EP300: variants seen among roughly 807,000 people sequenced by gnomAD.
The protein encoded by EP300 is EP300 lysine acetyltransferase, also known as histone acetyltransferase p300.
In EP300, 31 loss-of-function variants were observed where a neutral mutation model predicts 264.0. That is an observed-to-expected ratio of 0.12 (90% CI 0.09 to 0.16). The LOEUF is 0.16. Among genes scored for constraint, EP300 ranks in the 10% least tolerant of loss-of-function variants. EP300 has a pLI of 1.00. For missense variants in EP300, 2,766 were observed against 3,052.9 expected, an observed-to-expected ratio of 0.91 and a Z score of 2.21; for synonymous variants, 1,340 against 1,045.4, an observed-to-expected ratio of 1.28 and a Z score of -5.44.
intron 1 of EP300, among the ~76,000 whole-genome samples, chr22:41,098,323 AT>A (rs1299537941): frequency 6.6e-6 from 1 of 152,164 alleles, no homozygotes; most frequent in African/African-American, 2.4e-5. Flanking sequence ...TTTGGATATA[AT>A]TTGTTTTTAG....
At chr22:41,155,151 T>C (rs2059069861) in intron 17 of EP300, 38 bp downstream of exon 17, 1 of 1,356,190 alleles carries the variant, frequency 7.4e-7, no homozygotes. Context: ...TATTTTTTAA[T>C]TTGATAACAG....
chr22:41,132,922 C>G (rs528520699), intron 6 of EP300, among the ~76,000 whole-genome samples: 1 of 152,248 alleles, frequency 6.6e-6, no homozygotes, highest in Non-Finnish European at 1.5e-5. Context: ...ATGTATGTTT[C>G]TCTAATTGCA....
At chr22:41,120,604 A>G (rs55947928) in intron 2 of EP300, among the ~76,000 whole-genome samples, 29,986 of 152,152 alleles carry the variant, frequency 0.2, 3,947 homozygotes, top group Non-Finnish European at 0.29. Context: ...CATTACTACT[A>G]CAGCTGTCTT....
At chr22:41,094,418 T>C (rs1011373230) in intron 1 of EP300, among the ~76,000 whole-genome samples, 4 of 152,226 alleles carry the variant, frequency 2.6e-5, no homozygotes, top group Non-Finnish European at 4.4e-5. Flanking sequence ...GTTGCTTTTA[T>C]AAGAAAGATG....
intron 14 of EP300, among the ~76,000 whole-genome samples, chr22:41,150,534 A>C (rs1405233024): frequency 1.3e-5 from 2 of 152,176 alleles, no homozygotes; most frequent in Non-Finnish European, 2.9e-5. Flanking sequence ...TAAATTTTAC[A>C]TATATTTAAG....
intron 8 of EP300, 101 bp from the exon 9 acceptor site, chr22:41,140,039 A>G: frequency 1.2e-6 from 1 of 835,908 alleles, no homozygotes; most frequent in South Asian, 1.4e-5. Context: ...TCACCTTGCC[A>G]TTATTTTTTC....
At chr22:41,127,852 C>T (rs892277618) in intron 4 of EP300, 104 bp downstream of exon 4, 94 of 1,426,362 alleles carry the variant, frequency 6.6e-5, no homozygotes, top group Non-Finnish European at 8.2e-5. Flanking sequence ...TGTTTAATAC[C>T]TTAATTGTGG....
At chr22:41,167,826 G>A (rs10222217) in intron 23 of EP300, among the ~76,000 whole-genome samples, 1 of 32,174 alleles carries the variant, frequency 3.1e-5, no homozygotes, top group Non-Finnish European at 5.0e-5. Context: ...TTTTTTTTTT[G>A]TTTTTTTTTT....
chr22:41,178,983 A>G lies in EP300; in HGVS notation c.*27A>G, dbSNP rs2145525225. 6.2e-7 allele frequency: 1 copy of G among 1,612,370 alleles called. No homozygotes were observed. The highest frequency in any genetic ancestry group is 2.2e-5 in the East Asian group (1 of 44,890). On this transcript the variant is annotated 3_prime_UTR_variant, in exon 31 of 31. Coordinates refer to ENST00000263253, the MANE Select transcript of EP300 (RefSeq NM_001429.4). ...GACACCTTGTAGTATTTTGGGAGCA[A>G]AAAAATTATTTTCTCTTAACAAGAC...
At chr22:41,152,711 G>GC (rs1458675988) in intron 16 of EP300, among the ~76,000 whole-genome samples, 2 of 151,902 alleles carry the variant, frequency 1.3e-5, no homozygotes, top group African/African-American at 4.8e-5. Flanking sequence ...CCTGCTGTGT[G>GC]CTAAGTATCC....
In EP300 at chr22:41,149,966, C is replaced by T. The variant is rs1257662278; in HGVS notation, c.2585C>T (p.Pro862Leu). The change falls in exon 14 of 31, where the codon CCT becomes CTT. Residue 862 changes from proline (P) to leucine (L), a missense_variant. By Grantham distance (98) the Pro-to-Leu change is moderately conservative. Transcript: ENST00000263253. ...QQPPATTIPA[P>L]VPTPPAMPPG... is the part of the protein sequence containing the mutation. Reference sequence around the variant, plus strand: ...CCACCAGCAACAACAATTCCAGCCCCTGTTCCTACACCTCCTGCCATGCCA... The same window carrying T: ...CCACCAGCAACAACAATTCCAGCCCTTGTTCCTACACCTCCTGCCATGCCA... 6.2e-7 allele frequency: 1 copy of T among 1,613,966 alleles called. No homozygotes were observed. Among genetic ancestry groups the T allele is most frequent in the Non-Finnish European group, 8.5e-7 (1 of 1,180,018 alleles).
rs943142293 is a variant in EP300 at position 41,178,574 on chromosome 22, A to G, written c.6863A>G (p.Gln2288Arg). 18 of 1,613,926 alleles carry G rather than the reference A, an allele frequency of 1.1e-5. No individual in the cohort carries two copies. Among genetic ancestry groups the G allele is most frequent in the Middle Eastern group, 1.6e-4 (1 of 6,084 alleles). Residue 2288 changes from glutamine (Q) to arginine (R), a missense_variant, in exon 31 of 31, where the codon CAG (glutamine) becomes CGG (arginine). Transcript: ENST00000263253. ...MSPQQHMLPN[Q>R]AQSPHLQGQQ... Reference sequence around the variant, plus strand: ...CCCCAGCAGCATATGCTCCCAAATCAGGCCCAGTCCCCACACCTACAAGGC... The same window carrying G: ...CCCCAGCAGCATATGCTCCCAAATCGGGCCCAGTCCCCACACCTACAAGGC...
intron 19 of EP300, chr22:41,160,329 TTTG>T (rs1384377357): frequency 5.3e-6 from 2 of 374,060 alleles, no homozygotes; most frequent in Non-Finnish European, 1.0e-5. Flanking sequence ...TTTTATGTTT[TTTG>T]TTGTCTTGCA....
intron 1 of EP300, among the ~76,000 whole-genome samples, chr22:41,115,336 A>G (rs1256997441): frequency 2.0e-5 from 3 of 152,184 alleles, no homozygotes; most frequent in African/African-American, 4.8e-5. Context: ...GCACAAGACA[A>G]TCACCCTCCA....
At chr22:41,139,614 GT>G (rs1398527376) in intron 8 of EP300, among the ~76,000 whole-genome samples, 2 of 152,154 alleles carry the variant, frequency 1.3e-5, no homozygotes, top group Non-Finnish European at 2.9e-5. Flanking sequence ...AAAACATTTT[GT>G]TAGGGAATTG....
intron 9 of EP300, among the ~76,000 whole-genome samples, chr22:41,140,833 T>A (rs564658134): frequency 5.3e-5 from 8 of 152,208 alleles, no homozygotes; most frequent in Non-Finnish European, 1.2e-4. Context: ...AGCTGTGTTC[T>A]CTTTTCACTA....
At chr22:41,105,435 G>A (rs1355414686) in intron 1 of EP300, among the ~76,000 whole-genome samples, 1 of 151,574 alleles carries the variant, frequency 6.6e-6, no homozygotes, top group African/African-American at 2.4e-5. Flanking sequence ...GTCTCACTCT[G>A]TCATCCAGGC....
At chr22:41,132,286 CTTTTT>C (rs532779902) in intron 6 of EP300, among the ~76,000 whole-genome samples, 1 of 56,760 alleles carries the variant, frequency 1.8e-5, no homozygotes, top group Non-Finnish European at 3.5e-5. Context: ...TTCTTTCATT[CTTTTT>C]TTTTTTTTTT....
At chr22:41,109,268 A>C (rs943789952) in intron 1 of EP300, among the ~76,000 whole-genome samples, 284 of 150,594 alleles carry the variant, frequency 1.9e-3, no homozygotes, top group African/African-American at 6.5e-3. Context: ...AAAAAAAAAA[A>C]CAAAAAAAAA....
Sources: gnomAD v4.1 joint callset for allele counts (sites outside exome capture counted in the v4.1 genomes callset) on GRCh38, gnomAD v4.1.1 for gene constraint, MANE v1.5 for transcripts, NCBI Gene and HGNC (gene_info 2026-07-23, HGNC 2026-07-21) for gene names.